Variants in PCSK1N observed in about 807,000 individuals in gnomAD.
PCSK1N encodes proSAAS.
In PCSK1N, 8 loss-of-function variants were observed where a neutral mutation model predicts 10.6. The ratio of observed to expected loss-of-function variants is 0.76; its 90% CI spans 0.44 to 1.37. The LOEUF is 1.37. Ranked by LOEUF, PCSK1N falls within the 40% of genes most tolerant of loss-of-function variation. The pLI is 0.00. For synonymous variants in PCSK1N, 143 were observed against 137.1 expected (o/e 1.04, Z -0.30); for missense variants, 301 against 268.5 (o/e 1.12, Z -0.84).
At position 48,831,390 on chromosome X, in the gene PCSK1N, A is replaced by C. The variant is rs2063172038; in HGVS notation, c.653T>G (p.Leu218Arg). The C allele has an allele frequency of 1.8e-6, 2 of 1,108,874 alleles. No individual in the cohort carries two copies. The highest frequency in any genetic ancestry group is 2.3e-6 in the Non-Finnish European group (2 of 851,088). 91.4% of individuals were successfully genotyped at this position (1,108,874 alleles called of 1,213,427 possible). A position where few individuals can be genotyped will look rare whatever the true frequency, so the allele number is the denominator to read the frequency against. ...DSEGVAAPRR[L>R]RRAADHDVGS... ...CACATCGTGGTCGGCGGCACGGCGG[A>C]GGCGGCGCGGGGCTGCCACCCCCTC... The change falls in exon 3 of 3, where the codon CTC becomes CGC. Residue 218 changes from leucine to arginine, a missense_variant. By Grantham distance (102) the Leu-to-Arg change is moderately radical. Coordinates refer to ENST00000218230, the MANE Select transcript of PCSK1N (RefSeq NM_013271.5).
chrX:48,831,970 C>G lies in PCSK1N; in HGVS notation c.486G>C (p.Ala162=), dbSNP rs1557033476. The G allele has an allele frequency of 9.4e-7, 1 of 1,065,460 alleles. No individual in the cohort carries two copies. Among genetic ancestry groups the G allele is most frequent in the East Asian group, 3.9e-5 (1 of 25,449 alleles). 87.8% of individuals were successfully genotyped at this position (1,065,460 alleles called of 1,213,427 possible). The change falls in exon 2 of 3, where the codon GCG becomes GCC. Residue 162 remains alanine (A), a synonymous_variant. Coordinates refer to ENST00000218230, the MANE Select transcript of PCSK1N (RefSeq NM_013271.5). ...AQLVPAPVPA[A]ALRPRPPVYD... is the part of the protein sequence containing the mutation. The stretch of plus-strand genomic sequence containing the variant: ...AGACCGGGGGCCGGGGTCGGAGCGC[C>G]GCGGCGGGGACGGGCGCGGGGACAA...
chrX:48,831,722 T>A, intron 2 of PCSK1N, 147 bp downstream of exon 2: 5 of 463,392 alleles, frequency 1.1e-5, no homozygotes, highest in Non-Finnish European at 1.3e-5. Context: ...CATCCTTGCC[T>A]GGACTCCCTG....
chrX:48,831,672 C>T lies in PCSK1N; in HGVS notation c.587+197G>A, dbSNP rs1435203504. ...GCTTCCCCGCCTCCCTCTCCCCTTC[C>T]CAGGACCTGGGGTCCACTTCCCCCA... is the stretch of plus-strand genomic sequence containing the variant. On this transcript the variant is annotated intron_variant, in intron 2 of 2. Coordinates refer to ENST00000218230, the MANE Select transcript of PCSK1N (RefSeq NM_013271.5). 2.7e-5 allele frequency among the ~76,000 whole-genome samples: 3 copies of T among 112,615 alleles called. No individual in the cohort carries two copies. The East Asian group carries it at 8.5e-4, about 32-fold the overall frequency.
intron 1 of PCSK1N, among the ~76,000 whole-genome samples, chrX:48,833,566 A>C (rs1363610174): frequency 8.9e-6 from 1 of 112,017 alleles, no homozygotes; most frequent in East Asian, 2.8e-4. Flanking sequence ...TTAAACTGGC[A>C]AAGTAATTTT....
At chrX:48,833,756 C>T (rs192945409) in intron 1 of PCSK1N, among the ~76,000 whole-genome samples, 5 of 111,760 alleles carry the variant, frequency 4.5e-5, no homozygotes, top group African/African-American at 1.6e-4. Context: ...GGAAACAGTC[C>T]AATGTCCACT....
chrX:48,832,632 A>C (rs2063177073), intron 1 of PCSK1N, among the ~76,000 whole-genome samples: 1 of 100,602 alleles, frequency 9.9e-6, no homozygotes, highest in South Asian at 4.8e-4. Context: ...CTGGAGACCG[A>C]GTTTCTTCAT....
Position 48,831,338 on chromosome X carries a change from C to A in PCSK1N, c.705G>T (p.Val235=). Residue 235 remains valine, a synonymous_variant, in exon 3 of 3, where the codon GTG becomes GTT. Coordinates refer to ENST00000218230, the MANE Select transcript of PCSK1N (RefSeq NM_013271.5). ...DVGSELPPEG[V]LGALLRVKRL... Reference sequence around the variant, plus strand: ...GTTTCACACGCAGCAGCGCCCCCAGCACGCCCTCAGGGGGCAGCTCAGAGC... The same window carrying A: ...GTTTCACACGCAGCAGCGCCCCCAGAACGCCCTCAGGGGGCAGCTCAGAGC... The A allele has an allele frequency of 8.6e-7, 1 of 1,162,498 alleles. No homozygotes were observed.
At position 48,832,178 on chromosome X, in the gene PCSK1N, G is replaced by A; in HGVS notation, c.278C>T (p.Ala93Val). Reference sequence around the variant, plus strand: ...CTGATCCTCAGCCTCCTGCGCCTCGGCCCGCGCCCGCTCCTGACGTTCGGC... The same window carrying A: ...CTGATCCTCAGCCTCCTGCGCCTCGACCCGCGCCCGCTCCTGACGTTCGGC... ...LEAERQERARAEAQEAEDQQA... is the reference protein window; with the variant it reads ...LEAERQERARVEAQEAEDQQA... The change falls in exon 2 of 3, where the codon GCC (alanine) becomes GTC (valine). Residue 93 changes from alanine to valine, a missense_variant. By Grantham distance (64) the Ala-to-Val change is moderately conservative (BLOSUM62 0). Transcript: ENST00000218230. 1.7e-6 allele frequency: 2 copies of A among 1,153,669 alleles called. No homozygotes were observed. Among genetic ancestry groups the A allele is most frequent in the East Asian group, 3.4e-5 (1 of 29,757 alleles).
intron 1 of PCSK1N, chrX:48,834,590 C>T: frequency 1.4e-6 from 1 of 702,302 alleles, no homozygotes; most frequent in Non-Finnish European, 1.7e-6. Flanking sequence ...CATGCACCAT[C>T]CTTAAAGACA....
intron 1 of PCSK1N, chrX:48,834,571 G>A: frequency 1.3e-6 from 1 of 740,935 alleles, no homozygotes; most frequent in Non-Finnish European, 1.6e-6. Context: ...AGCCACCCAG[G>A]TGCAAGGACA....
At position 48,835,570 on chromosome X, in the gene PCSK1N, G is replaced by T; in HGVS notation, c.-38C>A. On this transcript the variant is annotated 5_prime_UTR_variant, in exon 1 of 3. Transcript: ENST00000218230. ...AGCCGGGCTCCGGACGGGCGGACTG[G>T]CTGGCAAGTGCGCAGTGCCGGGGCG... 1.5e-6 allele frequency: 1 copy of T among 647,044 alleles called. No homozygotes were observed. Among genetic ancestry groups the T allele is most frequent in the Non-Finnish European group, 2.0e-6 (1 of 496,016 alleles). 53.3% of individuals were successfully genotyped at this position (647,044 alleles called of 1,213,427 possible).
At chrX:48,831,816 C>T in intron 2 of PCSK1N, 53 bp downstream of exon 2, 1 of 938,627 alleles carries the variant, frequency 1.1e-6, no homozygotes, top group Non-Finnish European at 1.4e-6. Flanking sequence ...GTTCCTCGCC[C>T]TCGTCCTCTC....
intron 2 of PCSK1N, among the ~76,000 whole-genome samples, 181 bp from the exon 3 acceptor site, chrX:48,831,636 A>G (rs1234689400): frequency 1.8e-5 from 2 of 112,060 alleles, no homozygotes; most frequent in Admixed American, 9.3e-5. Context: ...CTTTCATCCC[A>G]GAAAACTGTG....
intron 1 of PCSK1N, chrX:48,834,754 C>G (rs2063181649): frequency 9.5e-6 from 1 of 105,018 alleles, no homozygotes; most frequent in Admixed American, 1.1e-4. Context: ...ATGCGAAGAC[C>G]ATTCCCTCTC....
intron 2 of PCSK1N, among the ~76,000 whole-genome samples, 181 bp downstream of exon 2, chrX:48,831,688 A>T (rs2063173076): frequency 1.8e-5 from 2 of 112,015 alleles, no homozygotes; most frequent in South Asian, 7.3e-4. Flanking sequence ...CCTGGGGTCC[A>T]CTTCCCCCAC....
chrX:48,833,876 G>A (rs1379514940), intron 1 of PCSK1N, among the ~76,000 whole-genome samples: 2 of 111,049 alleles, frequency 1.8e-5, no homozygotes, highest in Non-Finnish European at 3.8e-5. Flanking sequence ...GATGAATCTC[G>A]TGACCAGAAT....
At chrX:48,831,510 G>A in intron 2 of PCSK1N, 55 bp from the exon 3 acceptor site, 2 of 925,588 alleles carry the variant, frequency 2.2e-6, no homozygotes, top group Non-Finnish European at 2.8e-6. Flanking sequence ...GCGTTCCCCC[G>A]CCCCACGCTC....
intron 1 of PCSK1N, among the ~76,000 whole-genome samples, chrX:48,835,125 G>T (rs955248264): frequency 1.8e-5 from 2 of 112,876 alleles, no homozygotes; most frequent in Non-Finnish European, 3.8e-5. Context: ...TTCTTAAAGC[G>T]CCTTAGTGCC....
chrX:48,834,342 A>T (rs782433368), intron 1 of PCSK1N, among the ~76,000 whole-genome samples: 9 of 111,139 alleles, frequency 8.1e-5, no homozygotes, highest in Admixed American at 5.8e-4. Flanking sequence ...GACAGTATTG[A>T]AGAGCTAGAG....
Sources: allele counts gnomAD v4.1 joint callset (sites outside exome capture counted in the v4.1 genomes callset), GRCh38; gene constraint gnomAD v4.1.1; transcripts MANE v1.5; gene names NCBI Gene and HGNC (gene_info 2026-07-23, HGNC 2026-07-21).